The following ZNF236 variants were observed in gnomAD, a reference collection of about 807,000 sequenced individuals.
ZNF236 encodes zinc finger protein 236.
In ZNF236, 50 loss-of-function variants were observed where a neutral mutation model predicts 191.2. The ratio of observed to expected loss-of-function variants is 0.26; its 90% CI spans 0.21 to 0.33. ZNF236 has a LOEUF of 0.33. Ranked by LOEUF, ZNF236 falls within the 10% of genes least tolerant of loss-of-function variation. The probability of loss-of-function intolerance (pLI) is 1.00; values close to 1 mark genes in which losing one functional copy is unlikely to be tolerated. For missense variants in ZNF236, 1,754 were observed against 2,374.5 expected, an observed-to-expected ratio of 0.74 and a Z score of 5.43; for synonymous variants, 907 against 928.8, an observed-to-expected ratio of 0.98 and a Z score of 0.43.
chr18:76,833,165 C>A (rs1297040931), intron 1 of ZNF236, among the ~76,000 whole-genome samples: 5 of 152,060 alleles, frequency 3.3e-5, no homozygotes, highest in Non-Finnish European at 7.4e-5. Context: ...AGGTTTATTT[C>A]TTCATTTCCA....
At chr18:76,918,417 A>G (rs1425096716) in intron 19 of ZNF236, among the ~76,000 whole-genome samples, 1 of 152,138 alleles carries the variant, frequency 6.6e-6, no homozygotes, top group African/African-American at 2.4e-5. Context: ...TATAAATGCT[A>G]TGTAAATAGT....
At chr18:76,834,839 CT>C in intron 1 of ZNF236, 2 of 452,194 alleles carry the variant, frequency 4.4e-6, no homozygotes, top group South Asian at 1.7e-5. Context: ...ATTGAAATGC[CT>C]TTTGTGGTTG....
At position 76,908,569 on chromosome 18, in the gene ZNF236, T is replaced by C; in HGVS notation, c.2547T>C (p.Asp849=). 2 of 1,601,494 alleles carry C rather than the reference T, an allele frequency of 1.2e-6. No individual in the cohort carries two copies. The highest frequency in any genetic ancestry group is 1.7e-5 in the Admixed American group (1 of 59,802). The part of the protein sequence containing the change: ...QQLADQPLEA[D]EDGFVAPQDP... ...TGGCAGATCAGCCCCTGGAAGCAGA[T>C]GAAGGTAAATGTTTCAGGATATTTA... The change falls in exon 14 of 31, where the codon GAT becomes GAC. Residue 849 remains aspartate, a synonymous_variant. Transcript: ENST00000320610.
intron 1 of ZNF236, among the ~76,000 whole-genome samples, chr18:76,828,910 C>G (rs1975086156): frequency 6.6e-6 from 1 of 152,132 alleles, no homozygotes; most frequent in African/African-American, 2.4e-5. Flanking sequence ...AGGCAATCTG[C>G]CCCGCTTGGC....
intron 1 of ZNF236, among the ~76,000 whole-genome samples, chr18:76,826,634 A>T (rs1421355812): frequency 6.6e-6 from 1 of 151,146 alleles, no homozygotes; most frequent in Non-Finnish European, 1.5e-5. Context: ...GTACTAAAAA[A>T]AAAAAAATAC....
chr18:76,936,168 G>A, intron 25 of ZNF236: 1 of 449,858 alleles, frequency 2.2e-6, no homozygotes, highest in South Asian at 1.6e-5. Context: ...CTTTTGTTTT[G>A]AAACCTGGTT....
chr18:76,916,458 T>A (rs1249409357), intron 19 of ZNF236, among the ~76,000 whole-genome samples: 1 of 152,172 alleles, frequency 6.6e-6, no homozygotes, highest in African/African-American at 2.4e-5. Context: ...AAACACCGCA[T>A]AGTTGGAGGG....
chr18:76,842,426 C>T (rs1975535227), intron 1 of ZNF236, among the ~76,000 whole-genome samples: 1 of 149,472 alleles, frequency 6.7e-6, no homozygotes, highest in Non-Finnish European at 1.5e-5. Context: ...ATCTCTGCTC[C>T]ACCCCCCTCA....
At chr18:76,847,216 A>T (rs977803123) in intron 1 of ZNF236, among the ~76,000 whole-genome samples, 4 of 152,190 alleles carry the variant, frequency 2.6e-5, no homozygotes, top group African/African-American at 7.2e-5. Context: ...GAGGCTGTGA[A>T]AATTGTTTTA....
chr18:76,872,003 T>C (rs938419698), intron 5 of ZNF236, among the ~76,000 whole-genome samples, 178 bp downstream of exon 5: 1 of 152,234 alleles, frequency 6.6e-6, no homozygotes, highest in Non-Finnish European at 1.5e-5. Context: ...ATGTGGCTCT[T>C]TTATCTGTAT....
At chr18:76,903,008 A>AG (rs1178592826) in intron 11 of ZNF236, among the ~76,000 whole-genome samples, 6 of 152,222 alleles carry the variant, frequency 3.9e-5, no homozygotes, top group South Asian at 4.1e-4. Flanking sequence ...CTGATTGTCC[A>AG]GAAGGCTTGT....
chr18:76,908,233 T>G, intron 13 of ZNF236, 87 bp from the exon 14 acceptor site: 1 of 1,468,156 alleles, frequency 6.8e-7, no homozygotes, highest in South Asian at 1.4e-5. Context: ...TGTTATTTAA[T>G]CAATGACAAC....
At position 76,968,336 on chromosome 18, in the gene ZNF236, C is replaced by G. The variant is rs771224291; in HGVS notation, c.5541C>G (p.Phe1847Leu). ...AGTGGCAGGCCCTCACCCACGTCTT[C>G]TGATGCGAGTTGGAAGTACACCTTT... ...AGEWQALTHV[F>L] Residue 1847 changes from phenylalanine (F) to leucine (L), a missense_variant, in exon 31 of 31, where the codon TTC becomes TTG. Physicochemically the swap from Phe to Leu is conservative, Grantham distance 22 (BLOSUM62 0). Coordinates refer to ENST00000320610, the MANE Select transcript of ZNF236 (RefSeq NM_001306089.2). 1.1e-5 allele frequency: 17 copies of G among 1,606,126 alleles called. No individual in the cohort carries two copies. Among genetic ancestry groups the G allele is most frequent in the African/African-American group, 1.3e-5 (1 of 74,364 alleles).
At chr18:76,859,443 G>A (rs1291300717) in intron 3 of ZNF236, among the ~76,000 whole-genome samples, 1 of 152,166 alleles carries the variant, frequency 6.6e-6, no homozygotes, top group Non-Finnish European at 1.5e-5. Flanking sequence ...GTATGATCTA[G>A]TAAGTATTTC....
intron 28 of ZNF236, among the ~76,000 whole-genome samples, chr18:76,958,174 G>A (rs1043127386): frequency 6.6e-6 from 1 of 152,194 alleles, no homozygotes; most frequent in Non-Finnish European, 1.5e-5. Context: ...CGACAGGTGT[G>A]TTGCAGTAAG....
intron 20 of ZNF236, among the ~76,000 whole-genome samples, chr18:76,922,082 A>G (rs914696174): frequency 6.6e-6 from 1 of 152,092 alleles, no homozygotes; most frequent in African/African-American, 2.4e-5. Context: ...AGTCATAGGT[A>G]TTTTTCTTCG....
chr18:76,918,033 C>T (rs1455264437), intron 19 of ZNF236, among the ~76,000 whole-genome samples: 1 of 151,976 alleles, frequency 6.6e-6, no homozygotes, highest in African/African-American at 2.4e-5. Context: ...AAAAATTATC[C>T]AGTTTGTTTT....
chr18:76,917,136 C>A (rs1329159968), intron 19 of ZNF236, among the ~76,000 whole-genome samples: 1 of 152,194 alleles, frequency 6.6e-6, no homozygotes, highest in African/African-American at 2.4e-5. Flanking sequence ...AAGTTTCTGA[C>A]CTGTTAAACT....
intron 1 of ZNF236, among the ~76,000 whole-genome samples, chr18:76,841,485 A>G (rs1261073908): frequency 6.6e-6 from 1 of 152,210 alleles, no homozygotes; most frequent in Non-Finnish European, 1.5e-5. Flanking sequence ...AGTTTATTTC[A>G]TACATTTATT....
Sources: gnomAD v4.1 joint callset for allele counts (sites outside exome capture counted in the v4.1 genomes callset) on GRCh38, gnomAD v4.1.1 for gene constraint, MANE v1.5 for transcripts, NCBI Gene and HGNC (gene_info 2026-07-23, HGNC 2026-07-21) for gene names.